Variants in ATP6V1E1 observed in about 807,000 individuals in gnomAD.
The protein encoded by ATP6V1E1 is V-type proton ATPase subunit E 1.
A neutral mutation model predicts 35.2 loss-of-function variants in ATP6V1E1; 21 were observed. That is an observed-to-expected ratio of 0.60 (90% confidence interval 0.42 to 0.86). ATP6V1E1 has a LOEUF of 0.86. Among genes scored for constraint, ATP6V1E1 ranks in the 40% least tolerant of loss-of-function variants. The pLI, the probability that ATP6V1E1 is intolerant of heterozygous loss-of-function variation, is 0.00. For synonymous variants in ATP6V1E1, 83 were observed against 87.8 expected (o/e 0.95, Z 0.30); for missense variants, 183 against 272.6 (o/e 0.67, Z 2.32).
At chr22:17,597,317 G>T (rs1373899151) in intron 7 of ATP6V1E1, among the ~76,000 whole-genome samples, 2 of 151,610 alleles carry the variant, frequency 1.3e-5, no homozygotes, top group Admixed American at 1.3e-4. Context: ...CCTCAGACAG[G>T]CCAGTGAAAT....
Position 17,594,606 on chromosome 22 carries a change from C to T in ATP6V1E1, c.541G>A (p.Val181Ile), listed in dbSNP as rs1211025580. The T allele has an allele frequency of 2.8e-5, 44 of 1,558,742 alleles. No individual in the cohort carries two copies. Among genetic ancestry groups the T allele is most frequent in the Non-Finnish European group, 3.5e-5 (41 of 1,160,644 alleles). The change falls in exon 8 of 9, where the codon GTT becomes ATT. Residue 181 changes from valine (V) to isoleucine (I), a missense_variant. By Grantham distance (29) the Val-to-Ile change is conservative (BLOSUM62 3). Coordinates refer to ENST00000253413, the MANE Select transcript of ATP6V1E1 (RefSeq NM_001696.4). ...TTACGATCTCCATTATAGATCTCAACTCCACCAGCTCTGCAAAAAAAAAAG... is the reference window on the plus strand; with the variant it reads ...TTACGATCTCCATTATAGATCTCAATTCCACCAGCTCTGCAAAAAAAAAAG... Reference protein sequence around the residue: ...SYLPEDIAGGVEIYNGDRKIK... With the variant: ...SYLPEDIAGGIEIYNGDRKIK...
intron 4 of ATP6V1E1, among the ~76,000 whole-genome samples, chr22:17,601,958 G>T (rs1423176972): frequency 6.6e-6 from 1 of 152,118 alleles, no homozygotes; most frequent in Non-Finnish European, 1.5e-5. Context: ...AGGCTGCAGT[G>T]CAGTGATACA....
At chr22:17,609,136 A>C (rs530639144) in intron 4 of ATP6V1E1, among the ~76,000 whole-genome samples, 1 of 148,210 alleles carries the variant, frequency 6.7e-6, no homozygotes, top group East Asian at 2.0e-4. Context: ...CAAACAAACA[A>C]AAATTCATTC....
chr22:17,600,926 G>C, intron 5 of ATP6V1E1, 166 bp downstream of exon 5: 1 of 518,112 alleles, frequency 1.9e-6, no homozygotes, highest in Non-Finnish European at 3.4e-6. Context: ...ACACATTTTA[G>C]ATATGGTCAA....
intron 1 of ATP6V1E1, among the ~76,000 whole-genome samples, chr22:17,626,613 C>A (rs1601400396): frequency 1.3e-5 from 2 of 151,350 alleles, no homozygotes; most frequent in East Asian, 4.0e-4. Context: ...CTCACCATAA[C>A]CTCCACCTCC....
chr22:17,617,047 C>CA (rs535211268), intron 2 of ATP6V1E1, among the ~76,000 whole-genome samples: 1,198 of 33,312 alleles, frequency 0.036, 157 homozygotes, highest in East Asian at 0.12. Flanking sequence ...GACTCCGTCT[C>CA]AAAAAAAAAA....
At chr22:17,626,877 G>T (rs1483172569) in intron 1 of ATP6V1E1, among the ~76,000 whole-genome samples, 1 of 151,736 alleles carries the variant, frequency 6.6e-6, no homozygotes, top group East Asian at 2.0e-4. Flanking sequence ...TAAGGTCTAT[G>T]TTGCCCAGGC....
chr22:17,592,410 C>A lies in ATP6V1E1; in HGVS notation c.*264G>T. ...AGGAAGCCCATGCAACCACCATCTG[C>A]CCCCTCCCCTAGTGCTGCAGAACCG... On this transcript the variant is annotated 3_prime_UTR_variant, in exon 9 of 9. Transcript: ENST00000253413. The A allele has an allele frequency of 2.1e-6, 1 of 467,496 alleles. No homozygotes were observed. The highest frequency in any genetic ancestry group is 3.9e-6 in the Non-Finnish European group (1 of 257,080). 29.0% of individuals were successfully genotyped at this position (467,496 alleles called of 1,614,324 possible).
chr22:17,620,445 C>G (rs530853990), intron 1 of ATP6V1E1, among the ~76,000 whole-genome samples: 1 of 151,894 alleles, frequency 6.6e-6, no homozygotes, highest in African/African-American at 2.4e-5. Context: ...CCGCGCACGG[C>G]GAGCAACCTT....
chr22:17,592,933 G>A (rs2057712135), intron 8 of ATP6V1E1, among the ~76,000 whole-genome samples, 197 bp from the exon 9 acceptor site: 1 of 151,950 alleles, frequency 6.6e-6, no homozygotes, highest in South Asian at 2.1e-4. Context: ...GACTACAGGT[G>A]CTTGCCACCA....
intron 1 of ATP6V1E1, among the ~76,000 whole-genome samples, chr22:17,626,307 C>CAAAAAAAAAAAA (rs928655426): frequency 1.6e-5 from 1 of 61,984 alleles, no homozygotes; most frequent in African/African-American, 5.1e-5. Flanking sequence ...GACTTCGTCT[C>CAAAAAAAAAAAA]AAAAAAAAAA....
At chr22:17,596,113 G>C (rs1000993831) in intron 7 of ATP6V1E1, among the ~76,000 whole-genome samples, 1 of 150,902 alleles carries the variant, frequency 6.6e-6, no homozygotes, top group Non-Finnish European at 1.5e-5. Context: ...GCCTGGGTGA[G>C]AGTGAGACTC....
At chr22:17,600,960 G>C in intron 5 of ATP6V1E1, 132 bp downstream of exon 5, 1 of 705,336 alleles carries the variant, frequency 1.4e-6, no homozygotes, top group South Asian at 2.1e-5. Flanking sequence ...AAAGCTAAAA[G>C]AAAAAAAAAG....
chr22:17,610,923 G>A (rs1232475950), intron 4 of ATP6V1E1, among the ~76,000 whole-genome samples: 1 of 152,172 alleles, frequency 6.6e-6, no homozygotes, highest in Non-Finnish European at 1.5e-5. Flanking sequence ...ACTTAAATGT[G>A]TTCTCTCATT....
At chr22:17,599,264 T>C (rs2146297537) in intron 6 of ATP6V1E1, among the ~76,000 whole-genome samples, 1 of 150,654 alleles carries the variant, frequency 6.6e-6, no homozygotes, top group East Asian at 1.9e-4. Flanking sequence ...ATGGTATGTG[T>C]ATTTTACCAC....
intron 1 of ATP6V1E1, among the ~76,000 whole-genome samples, chr22:17,626,528 A>G (rs1601400279): frequency 6.7e-6 from 1 of 149,626 alleles, no homozygotes; most frequent in African/African-American, 2.5e-5. Context: ...TGTGTGCCCC[A>G]CCACACCTGG....
At chr22:17,604,467 A>T (rs1009994162) in intron 4 of ATP6V1E1, among the ~76,000 whole-genome samples, 2 of 151,972 alleles carry the variant, frequency 1.3e-5, no homozygotes, top group Admixed American at 1.3e-4. Flanking sequence ...CATCAAAACC[A>T]TATCTCCCTG....
chr22:17,599,974 G>A, intron 6 of ATP6V1E1, 53 bp downstream of exon 6: 1 of 1,194,502 alleles, frequency 8.4e-7, no homozygotes. Flanking sequence ...AGAGGGGAAG[G>A]AAGAAAGGGA....
At chr22:17,612,743 T>C (rs984205606) in intron 4 of ATP6V1E1, 69 bp downstream of exon 4, 10 of 1,193,182 alleles carry the variant, frequency 8.4e-6, no homozygotes, top group Middle Eastern at 2.0e-4. Context: ...TAATGTTAAC[T>C]AGTAATTTAC....
Sources: gnomAD v4.1 joint callset for allele counts (sites outside exome capture counted in the v4.1 genomes callset) on GRCh38, gnomAD v4.1.1 for gene constraint, MANE v1.5 for transcripts, NCBI Gene and HGNC (gene_info 2026-07-23, HGNC 2026-07-21) for gene names.